SLC7A7: variants seen among roughly 807,000 people sequenced by gnomAD.
The protein encoded by SLC7A7 is Y+L amino acid transporter 1.
SLC7A7 carries 39 observed loss-of-function variants against 47.9 expected under a neutral mutation model. The ratio of observed to expected loss-of-function variants is 0.81; its 90% CI spans 0.63 to 1.06. SLC7A7 has a LOEUF of 1.06. SLC7A7 is among the 50% of genes least tolerant of loss of function. The pLI is 0.00. For synonymous variants in SLC7A7, 234 were observed against 242.8 expected, an observed-to-expected ratio of 0.96 and a Z score of 0.34; for missense variants, 588 against 632.0, an observed-to-expected ratio of 0.93 and a Z score of 0.75.
intron 1 of SLC7A7, among the ~76,000 whole-genome samples, chr14:22,814,531 C>T (rs1363737989): frequency 1.3e-5 from 2 of 152,064 alleles, no homozygotes. Flanking sequence ...TTGGTTCTCT[C>T]TGAGCCTGCT....
chr14:22,794,425 G>GTAAC (rs1184780417), intron 2 of SLC7A7, among the ~76,000 whole-genome samples: 3 of 152,124 alleles, frequency 2.0e-5, no homozygotes, highest in African/African-American at 7.2e-5. Context: ...GGGTCTTATA[G>GTAAC]TAACAACCCC....
intron 2 of SLC7A7, among the ~76,000 whole-genome samples, chr14:22,781,389 C>T (rs376276758): frequency 2.6e-5 from 4 of 152,124 alleles, no homozygotes; most frequent in South Asian, 2.1e-4. Flanking sequence ...TTCTCTCTCT[C>T]ACCCTCCCTT....
chr14:22,798,151 GC>G (rs1249487850), intron 2 of SLC7A7, among the ~76,000 whole-genome samples: 1 of 152,068 alleles, frequency 6.6e-6, no homozygotes, highest in Non-Finnish European at 1.5e-5. Context: ...CAAAAAATTA[GC>G]CGGGCATAGT....
intron 2 of SLC7A7, among the ~76,000 whole-genome samples, chr14:22,790,291 C>G (rs915007584): frequency 6.0e-5 from 8 of 133,236 alleles, no homozygotes; most frequent in Admixed American, 8.6e-5. Context: ...GATTGCACCA[C>G]TGCATTCCAG....
upstream of SLC7A7, chr14:22,815,771 A>G (rs2039398795): frequency 2.3e-6 from 1 of 434,192 alleles, no homozygotes; most frequent in African/African-American, 2.0e-5. Flanking sequence ...GGGAAGGAAT[A>G]CACAGCACTC....
intron 2 of SLC7A7, among the ~76,000 whole-genome samples, chr14:22,782,441 CTT>C (rs1566445132): frequency 1.3e-5 from 2 of 148,464 alleles, no homozygotes; most frequent in African/African-American, 4.9e-5. Context: ...TATTTATTGA[CTT>C]ATTTATTTAT....
At chr14:22,800,467 A>C (rs2039092668) in intron 2 of SLC7A7, among the ~76,000 whole-genome samples, 1 of 152,206 alleles carries the variant, frequency 6.6e-6, no homozygotes, top group African/African-American at 2.4e-5. Context: ...GACACCATGC[A>C]ACTTCAGAGA....
intron 2 of SLC7A7, among the ~76,000 whole-genome samples, chr14:22,811,741 A>G (rs1219960853): frequency 6.6e-6 from 1 of 151,710 alleles, no homozygotes; most frequent in Admixed American, 6.6e-5. Flanking sequence ...AATCCCAGCT[A>G]CTAGGGAGGC....
At chr14:22,814,428 A>G (rs546432514) in intron 1 of SLC7A7, among the ~76,000 whole-genome samples, 1 of 151,978 alleles carries the variant, frequency 6.6e-6, no homozygotes, top group South Asian at 2.1e-4. Flanking sequence ...AGGTTGCGGT[A>G]AGCTAAGACT....
upstream of SLC7A7, among the ~76,000 whole-genome samples, chr14:22,819,197 A>T (rs752209459): frequency 6.6e-6 from 1 of 151,972 alleles, no homozygotes; most frequent in Non-Finnish European, 1.5e-5. Context: ...TCAGGGAACT[A>T]CTATAAGAAC....
In SLC7A7 at chr14:22,803,343, G is replaced by A. The variant is rs561012883; in HGVS notation, c.499+9557C>T. Among the ~76,000 whole-genome samples the A allele has an allele frequency of 7.9e-5, 12 of 152,262 alleles. No individual in the cohort carries two copies. In the East Asian group the frequency reaches 1.4e-3, roughly 17 times the overall value. ...TGAGGAAGGAGAATCGCTTGAACCC[G>A]GAAGGCGGAGGTTGCAGTGAGCTGA... On this transcript the variant is annotated intron_variant, in intron 2 of 9. Coordinates refer to ENST00000674313, the MANE Select transcript of SLC7A7 (RefSeq NM_003982.4).
chr14:22,815,854 A>G (rs1471475473), upstream of SLC7A7: 1 of 367,618 alleles, frequency 2.7e-6, no homozygotes, highest in Non-Finnish European at 5.4e-6. Flanking sequence ...GAAAGGGAGG[A>G]AGGTTGCACA....
At chr14:22,801,052 C>T (rs2039104671) in intron 2 of SLC7A7, among the ~76,000 whole-genome samples, 2 of 152,112 alleles carry the variant, frequency 1.3e-5, no homozygotes, top group Admixed American at 1.3e-4. Context: ...TAGAACTGTC[C>T]CACTAAGCCC....
intron 2 of SLC7A7, among the ~76,000 whole-genome samples, chr14:22,791,396 C>G (rs1027887874): frequency 6.6e-6 from 1 of 152,142 alleles, no homozygotes; most frequent in African/African-American, 2.4e-5. Context: ...TTCCACCTGC[C>G]ACTCAGTTTG....
intron 2 of SLC7A7, among the ~76,000 whole-genome samples, chr14:22,807,505 G>A (rs1021419649): frequency 2.6e-5 from 4 of 152,066 alleles, no homozygotes; most frequent in East Asian, 3.9e-4. Context: ...GTTGGAGGCT[G>A]CAGTGAGCTA....
rs1022475965 is a variant in SLC7A7 at position 22,773,315 on chromosome 14, T to A, written c.*295A>T. The A allele has an allele frequency of 3.9e-6, 2 of 516,982 alleles. No homozygotes were observed. Among genetic ancestry groups the A allele is most frequent in the Non-Finnish European group, 7.4e-6 (2 of 268,976 alleles). 32.0% of individuals were successfully genotyped at this position (516,982 alleles called of 1,614,324 possible). On this transcript the variant is annotated 3_prime_UTR_variant, in exon 10 of 10. Coordinates refer to ENST00000674313, the MANE Select transcript of SLC7A7 (RefSeq NM_003982.4). Reference sequence around the variant, plus strand: ...GAAATTGGAGCATTGTGGGCCCTTTTAAAAGAAAAGAGGAGTAGGTAGGCA... The same window carrying A: ...GAAATTGGAGCATTGTGGGCCCTTTAAAAAGAAAAGAGGAGTAGGTAGGCA...
intron 2 of SLC7A7, among the ~76,000 whole-genome samples, chr14:22,793,850 G>A (rs370107980): frequency 4.0e-5 from 6 of 151,726 alleles, no homozygotes; most frequent in South Asian, 2.1e-4. Flanking sequence ...TAGGAGTCAC[G>A]CAGCTGGAAG....
At chr14:22,817,956 G>C (rs553590521), upstream of SLC7A7, among the ~76,000 whole-genome samples, 22 of 152,166 alleles carry the variant, frequency 1.4e-4, no homozygotes, top group Admixed American at 7.9e-4. Flanking sequence ...TTCTTTGCAG[G>C]GATAAGAGGT....
chr14:22,798,866 C>A (rs1339133520), intron 2 of SLC7A7, among the ~76,000 whole-genome samples: 1 of 152,076 alleles, frequency 6.6e-6, no homozygotes, highest in African/African-American at 2.4e-5. Flanking sequence ...GTAAACCTGC[C>A]ACCTCTGGTA....
Sources: allele counts gnomAD v4.1 joint callset (sites outside exome capture counted in the v4.1 genomes callset), GRCh38; gene constraint gnomAD v4.1.1; transcripts MANE v1.5; gene names NCBI Gene and HGNC (gene_info 2026-07-23, HGNC 2026-07-21).